Variants in KCNH5 observed in about 807,000 individuals in gnomAD.
The protein encoded by KCNH5 is potassium voltage-gated channel subfamily H member 5, also known as voltage-gated delayed rectifier potassium channel KCNH5.
Under a neutral mutation model 96.1 loss-of-function variants are expected in KCNH5, and 46 were observed. The observed-to-expected ratio is 0.48, with a 90% confidence interval of 0.38 to 0.61. The LOEUF (loss-of-function observed/expected upper bound fraction) is 0.61. Ranked by LOEUF, KCNH5 falls within the 20% of genes least tolerant of loss-of-function variation. The pLI is 0.00. For missense variants in KCNH5, 907 were observed against 1,225.8 expected, an observed-to-expected ratio of 0.74 and a Z score of 3.88; for synonymous variants, 439 against 449.8, an observed-to-expected ratio of 0.98 and a Z score of 0.30.
At position 62,787,428 on chromosome 14, in the gene KCNH5, A is replaced by G. The variant is rs111549739; in HGVS notation, c.1823-7504T>C. Among the ~76,000 whole-genome samples, 561 of 152,300 alleles carry G rather than the reference A, an allele frequency of 3.7e-3. 3 individuals carry two copies. Among genetic ancestry groups the G allele is most frequent in the African/African-American group, 0.013 (537 of 41,560 alleles). On this transcript the variant is annotated intron_variant, in intron 9 of 10. Transcript: ENST00000322893. Reference sequence around the variant, plus strand: ...TGGTTTATAAAGTTTAGGAAAAGGAACCATCTCCACAACATAAAAATGCAA... The same window carrying G: ...TGGTTTATAAAGTTTAGGAAAAGGAGCCATCTCCACAACATAAAAATGCAA...
intron 2 of KCNH5, among the ~76,000 whole-genome samples, chr14:63,007,327 T>C (rs1190789271): frequency 6.6e-6 from 1 of 152,208 alleles, no homozygotes; most frequent in African/African-American, 2.4e-5. Flanking sequence ...AATTCTAACT[T>C]AGAAAGGAGG....
At chr14:62,806,592 G>A (rs1389742938) in intron 8 of KCNH5, among the ~76,000 whole-genome samples, 2 of 152,056 alleles carry the variant, frequency 1.3e-5, no homozygotes, top group Non-Finnish European at 2.9e-5. Flanking sequence ...GGATAACTTT[G>A]GGTAAGTGGT....
intron 6 of KCNH5, among the ~76,000 whole-genome samples, chr14:62,970,459 C>T (rs1890385658): frequency 1.3e-5 from 2 of 152,124 alleles, no homozygotes; most frequent in Admixed American, 1.3e-4. Context: ...AAGGTAGAGG[C>T]AGAAAGAATA....
intron 9 of KCNH5, among the ~76,000 whole-genome samples, chr14:62,796,036 G>A (rs558857745): frequency 1.3e-5 from 2 of 152,248 alleles, no homozygotes; most frequent in Admixed American, 6.5e-5. Flanking sequence ...GGTAGGGATA[G>A]ACAATGACAC....
At chr14:62,762,029 C>T (rs184588690) in intron 10 of KCNH5, among the ~76,000 whole-genome samples, 2 of 152,210 alleles carry the variant, frequency 1.3e-5, no homozygotes, top group Admixed American at 6.5e-5. Context: ...TTGCCATGGA[C>T]CTCCAGAATC....
At chr14:62,918,228 A>C (rs1889312691) in intron 7 of KCNH5, among the ~76,000 whole-genome samples, 1 of 152,186 alleles carries the variant, frequency 6.6e-6, no homozygotes, top group Non-Finnish European at 1.5e-5. Flanking sequence ...AGTAACTGAC[A>C]TATAAGTGTT....
intron 10 of KCNH5, among the ~76,000 whole-genome samples, chr14:62,744,736 G>A (rs1885340635): frequency 6.6e-6 from 1 of 152,042 alleles, no homozygotes; most frequent in African/African-American, 2.4e-5. Context: ...TTCACACTAC[G>A]GTCAGAAACC....
At position 62,962,418 on chromosome 14, in the gene KCNH5, T is replaced by C. The variant is rs1890230984; in HGVS notation, c.943-11859A>G. On this transcript the variant is annotated intron_variant, in intron 6 of 10. Transcript: ENST00000322893. ...GCAATGGATTAATTAAAACCAGAAA[T>C]TGCAAATACCTGCTGGAAGAACTTA... is the stretch of plus-strand genomic sequence containing the variant. Among the ~76,000 whole-genome samples the C allele has an allele frequency of 2.6e-5, 4 of 152,120 alleles. No individual in the cohort carries two copies. The South Asian group carries it at 8.3e-4, about 32-fold the overall frequency.
intron 7 of KCNH5, among the ~76,000 whole-genome samples, chr14:62,946,256 C>T (rs534680787): frequency 3.9e-4 from 59 of 152,086 alleles, no homozygotes; most frequent in African/African-American, 1.4e-3. Context: ...ACTTCGGGGC[C>T]TCAGAAACAA....
chr14:62,854,203 C>A (rs190526994), intron 7 of KCNH5, among the ~76,000 whole-genome samples: 2,230 of 151,742 alleles, frequency 0.015, 61 homozygotes, highest in African/African-American at 0.052. Context: ...CATCTTTTCC[C>A]CTAGGAATGC....
chr14:62,910,899 C>CCACACACACACACACA (rs1555363113), intron 7 of KCNH5, among the ~76,000 whole-genome samples: 11 of 140,364 alleles, frequency 7.8e-5, no homozygotes, highest in South Asian at 5.0e-4. Context: ...TGTGCATACA[C>CCACACACACACACACA]CACACACACA....
chr14:62,820,184 C>G (rs1887086699), intron 8 of KCNH5, among the ~76,000 whole-genome samples: 1 of 151,992 alleles, frequency 6.6e-6, no homozygotes, highest in African/African-American at 2.4e-5. Flanking sequence ...AAAAGGAATG[C>G]TTGGGGAACA....
intron 2 of KCNH5, among the ~76,000 whole-genome samples, chr14:63,008,576 A>G (rs1164192357): frequency 2.0e-5 from 3 of 152,104 alleles, no homozygotes; most frequent in Admixed American, 6.5e-5. Flanking sequence ...GCACCGAGAA[A>G]CCTGAATCCT....
At chr14:63,017,555 AAG>A (rs1891348747) in intron 1 of KCNH5, among the ~76,000 whole-genome samples, 1 of 151,898 alleles carries the variant, frequency 6.6e-6, no homozygotes, top group African/African-American at 2.4e-5. Context: ...TTCCAAATAA[AAG>A]AGATATTTTT....
intron 7 of KCNH5, among the ~76,000 whole-genome samples, chr14:62,892,687 C>T: frequency 6.6e-6 from 1 of 152,180 alleles, no homozygotes; most frequent in East Asian, 1.9e-4. Context: ...GTGACTTCAT[C>T]TTGAAGCCAG....
At chr14:62,901,399 A>G (rs539375947) in intron 7 of KCNH5, among the ~76,000 whole-genome samples, 2 of 151,964 alleles carry the variant, frequency 1.3e-5, no homozygotes, top group East Asian at 3.9e-4. Context: ...AGCTAGTAGA[A>G]CCCAGTTTCT....
chr14:62,889,548 T>C (rs1304852991), intron 7 of KCNH5, among the ~76,000 whole-genome samples: 1 of 152,202 alleles, frequency 6.6e-6, no homozygotes, highest in Non-Finnish European at 1.5e-5. Flanking sequence ...GCACATTAAC[T>C]GACAGAGCCG....
chr14:62,832,815 TAATA>T (rs898643844), intron 8 of KCNH5, among the ~76,000 whole-genome samples: 88 of 152,306 alleles, frequency 5.8e-4, no homozygotes, highest in African/African-American at 2.0e-3. Flanking sequence ...AGTTGACAGG[TAATA>T]TCTCACTGTG....
chr14:62,794,655 C>T (rs933813609), intron 9 of KCNH5, among the ~76,000 whole-genome samples: 4 of 151,942 alleles, frequency 2.6e-5, no homozygotes, highest in African/African-American at 9.7e-5. Flanking sequence ...TCCAAAGACG[C>T]CCAAGTGTAT....
Sources: gnomAD v4.1 joint callset for allele counts (sites outside exome capture counted in the v4.1 genomes callset) on GRCh38, gnomAD v4.1.1 for gene constraint, MANE v1.5 for transcripts, NCBI Gene and HGNC (gene_info 2026-07-23, HGNC 2026-07-21) for gene names.